The following VRK1 variants were observed in gnomAD, a reference collection of about 807,000 sequenced individuals.
VRK1 encodes the protein VRK serine/threonine kinase 1, also known as serine/threonine-protein kinase VRK1.
A neutral mutation model predicts 57.1 loss-of-function variants in VRK1; 33 were observed. The ratio of observed to expected loss-of-function variants is 0.58; its 90% CI spans 0.44 to 0.77. The LOEUF (loss-of-function observed/expected upper bound fraction) is 0.77, where lower values mean the gene tolerates loss of function less well. VRK1 is among the 30% of genes least tolerant of loss of function. The pLI, the probability that VRK1 is intolerant of heterozygous loss-of-function variation, is 0.00. For missense variants in VRK1, 413 were observed against 477.3 expected (o/e 0.87, Z 1.25); for synonymous variants, 137 against 147.8 (o/e 0.93, Z 0.53).
At chr14:96,839,942 A>G (rs1887386999) in intron 3 of VRK1, among the ~76,000 whole-genome samples, 1 of 152,178 alleles carries the variant, frequency 6.6e-6, no homozygotes, top group Non-Finnish European at 1.5e-5. Context: ...TATTCTTAAC[A>G]TACACCCCAC....
intron 3 of VRK1, among the ~76,000 whole-genome samples, chr14:96,840,189 C>T (rs923746597): frequency 6.6e-6 from 1 of 152,082 alleles, no homozygotes; most frequent in Non-Finnish European, 1.5e-5. Context: ...CATTTTACTC[C>T]TAGGATCTCT....
rs141953151 is a variant in VRK1, at chr14:96,818,988, G to A, written c.-5-14479G>A. Among the ~76,000 whole-genome samples the A allele has an allele frequency of 4.6e-3, 706 of 152,268 alleles. 4 individuals are homozygous for A. The highest frequency in any genetic ancestry group is 7.5e-3 in the Non-Finnish European group (509 of 68,026). On this transcript the variant is annotated intron_variant, in intron 1 of 12. Transcript: ENST00000216639. ...AAATGCATTAATCAACTTCTGATTA[G>A]CTGGCACATTTATAAGAGGATTGTC...
In VRK1 at chr14:96,855,366, T is replaced by C. The variant is rs1468277298; in HGVS notation, c.709+10T>C. 6.2e-7 allele frequency: 1 copy of C among 1,613,900 alleles called. No homozygotes were observed. The highest frequency in any genetic ancestry group is 8.5e-7 in the Non-Finnish European group (1 of 1,179,900). Reference sequence around the variant, plus strand: ...GCACACAATGGCGTGGGTATGTCAGTAGTACTGGAGTGAGAAATAGACTGC... The same window carrying C: ...GCACACAATGGCGTGGGTATGTCAGCAGTACTGGAGTGAGAAATAGACTGC... On this transcript the variant is annotated intron_variant, in intron 8 of 12. Coordinates refer to ENST00000216639, the MANE Select transcript of VRK1 (RefSeq NM_003384.3).
chr14:96,881,103 A>T, intron 12 of VRK1, 74 bp from the exon 13 acceptor site: 3 of 1,196,112 alleles, frequency 2.5e-6, no homozygotes, highest in Non-Finnish European at 3.6e-6. Flanking sequence ...ATATTTAGGG[A>T]TATTTATATT....
At chr14:96,866,720 T>C (rs554258099) in intron 11 of VRK1, among the ~76,000 whole-genome samples, 2 of 152,296 alleles carry the variant, frequency 1.3e-5, no homozygotes, top group East Asian at 1.9e-4. Context: ...GGGCCACTGG[T>C]GAAAAATTTC....
intron 1 of VRK1, among the ~76,000 whole-genome samples, chr14:96,826,367 A>G (rs1185361439): frequency 6.6e-6 from 1 of 152,208 alleles, no homozygotes; most frequent in Non-Finnish European, 1.5e-5. Flanking sequence ...TCTGTTTACA[A>G]TTAAATTTTG....
chr14:96,855,194 T>C (rs1888103405), intron 7 of VRK1, 30 bp from the exon 8 acceptor site: 4 of 1,613,834 alleles, frequency 2.5e-6, no homozygotes, highest in East Asian at 2.2e-5. Flanking sequence ...ATTTTGACTT[T>C]AGTTTGTCTT....
At chr14:96,807,540 T>A (rs1263577875) in intron 1 of VRK1, among the ~76,000 whole-genome samples, 1 of 152,236 alleles carries the variant, frequency 6.6e-6, no homozygotes, top group African/African-American at 2.4e-5. Flanking sequence ...GAAATAGAGT[T>A]GTATCTCTTG....
At chr14:96,811,104 A>T (rs1425582460) in intron 1 of VRK1, among the ~76,000 whole-genome samples, 1 of 151,728 alleles carries the variant, frequency 6.6e-6, no homozygotes, top group African/African-American at 2.4e-5. Flanking sequence ...TAATTTTTTG[A>T]ATTTTTAGTG....
chr14:96,816,911 CT>C (rs1886415539), intron 1 of VRK1, among the ~76,000 whole-genome samples: 1 of 152,076 alleles, frequency 6.6e-6, no homozygotes, highest in South Asian at 2.1e-4. Context: ...AATTTGAACC[CT>C]TCTTATTAGA....
At chr14:96,843,379 A>G (rs1364329610) in intron 3 of VRK1, among the ~76,000 whole-genome samples, 1 of 152,222 alleles carries the variant, frequency 6.6e-6, no homozygotes, top group East Asian at 1.9e-4. Flanking sequence ...ATGTGAACTG[A>G]TAAGAATCTG....
In VRK1 at chr14:96,856,193, A is replaced by G. The variant is rs1888145668; in HGVS notation, c.773A>G (p.His258Arg). The change falls in exon 9 of 13, where the codon CAT becomes CGT. Residue 258 changes from histidine to arginine, a missense_variant. Physicochemically the swap from His to Arg is conservative, Grantham distance 29 (BLOSUM62 0). Transcript: ENST00000216639. ...GYCMIQWLTG[H>R]LPWEDNLKDP... ...TGCATGATCCAATGGCTTACTGGCC[A>G]TCTTCCTTGGGAGGATAATTTGAAA... 6.2e-7 allele frequency: 1 copy of G among 1,613,800 alleles called. No individual in the cohort carries two copies. Among genetic ancestry groups the G allele is most frequent in the South Asian group, 1.1e-5 (1 of 91,084 alleles).
intron 12 of VRK1, among the ~76,000 whole-genome samples, chr14:96,880,480 A>G (rs1312685958): frequency 2.0e-5 from 3 of 152,190 alleles, no homozygotes; most frequent in Non-Finnish European, 4.4e-5. Context: ...CTGTACCCAG[A>G]GGTGGAGTAG....
intron 1 of VRK1, among the ~76,000 whole-genome samples, chr14:96,808,888 A>C: frequency 6.6e-6 from 1 of 152,166 alleles, no homozygotes; most frequent in East Asian, 1.9e-4. Context: ...TGGATTGGGA[A>C]TTTGGTGGTT....
chr14:96,854,155 A>C (rs1377766500), intron 7 of VRK1, among the ~76,000 whole-genome samples: 3 of 152,130 alleles, frequency 2.0e-5, no homozygotes, highest in African/African-American at 7.2e-5. Context: ...GCAATCATCA[A>C]ATTCATCTCT....
At chr14:96,834,209 C>T (rs1260029435) in intron 2 of VRK1, among the ~76,000 whole-genome samples, 2 of 152,120 alleles carry the variant, frequency 1.3e-5, no homozygotes, top group East Asian at 3.9e-4. Context: ...AAATATTTTA[C>T]CTGATTGCTT....
chr14:96,851,287 C>T (rs1027233513), intron 5 of VRK1, among the ~76,000 whole-genome samples: 3 of 151,978 alleles, frequency 2.0e-5, no homozygotes, highest in Admixed American at 6.6e-5. Context: ...ATTACAGGTT[C>T]CTGCCACCGT....
intron 5 of VRK1, among the ~76,000 whole-genome samples, chr14:96,849,754 AGTG>A (rs757241793): frequency 6.6e-6 from 1 of 152,186 alleles, no homozygotes; most frequent in Non-Finnish European, 1.5e-5. Flanking sequence ...TTTGTTTGTC[AGTG>A]GTGGTATGTT....
intron 11 of VRK1, among the ~76,000 whole-genome samples, chr14:96,875,640 A>G (rs900993971): frequency 3.9e-5 from 6 of 152,190 alleles, no homozygotes; most frequent in Non-Finnish European, 7.3e-5. Flanking sequence ...ATGTTGTACA[A>G]TGTGGAGAGT....
Sources: allele counts gnomAD v4.1 joint callset (sites outside exome capture counted in the v4.1 genomes callset), GRCh38; gene constraint gnomAD v4.1.1; transcripts MANE v1.5; gene names NCBI Gene and HGNC (gene_info 2026-07-23, HGNC 2026-07-21).